SETD3: variants seen among roughly 807,000 people sequenced by gnomAD.
SETD3 encodes the protein SET domain containing 3, actin N3(tau)-histidine methyltransferase, also known as actin-histidine N-methyltransferase.
A neutral mutation model predicts 63.0 loss-of-function variants in SETD3; 19 were observed. The observed-to-expected ratio is 0.30, with a 90% CI of 0.21 to 0.44. The LOEUF (loss-of-function observed/expected upper bound fraction) is 0.44, where lower values mean the gene tolerates loss of function less well. SETD3 is among the 20% of genes least tolerant of loss of function. SETD3 has a pLI of 1.00. For synonymous variants in SETD3, 286 were observed against 264.1 expected, an observed-to-expected ratio of 1.08 and a Z score of -0.80; for missense variants, 587 against 728.5, an observed-to-expected ratio of 0.81 and a Z score of 2.24.
chr14:99,443,018 C>T (rs776313191), intron 6 of SETD3, among the ~76,000 whole-genome samples: 1 of 152,164 alleles, frequency 6.6e-6, no homozygotes, highest in Non-Finnish European at 1.5e-5. Flanking sequence ...GGCCAAGCCA[C>T]CCCTTTGAGC....
chr14:99,436,734 G>C (rs1431788972), intron 6 of SETD3, among the ~76,000 whole-genome samples: 1 of 152,146 alleles, frequency 6.6e-6, no homozygotes, highest in Non-Finnish European at 1.5e-5. Flanking sequence ...GCACTGTGCT[G>C]AAAAGTGTTG....
At chr14:99,481,432 G>A, upstream of SETD3, 1 of 398,712 alleles carries the variant, frequency 2.5e-6, no homozygotes. Flanking sequence ...CAAGATGGCC[G>A]CAGTCGGCAA....
intron 5 of SETD3, among the ~76,000 whole-genome samples, chr14:99,458,774 C>CAAAAAAAAAAAA (rs5810953): frequency 1.1e-5 from 1 of 89,548 alleles, no homozygotes; most frequent in Non-Finnish European, 2.1e-5. Flanking sequence ...CCCATCACTA[C>CAAAAAAAAAAAA]AAAAAAAAAA....
At chr14:99,425,696 T>C (rs1892843343) in intron 6 of SETD3, among the ~76,000 whole-genome samples, 1 of 152,204 alleles carries the variant, frequency 6.6e-6, no homozygotes, top group African/African-American at 2.4e-5. Flanking sequence ...AGCTACCTCT[T>C]TTGCAAGAAA....
chr14:99,440,884 G>A (rs1893771212), intron 6 of SETD3, among the ~76,000 whole-genome samples: 2 of 151,668 alleles, frequency 1.3e-5, no homozygotes, highest in South Asian at 4.1e-4. Flanking sequence ...GTTATCTGAA[G>A]AGATGCTCGA....
intron 5 of SETD3, among the ~76,000 whole-genome samples, chr14:99,458,854 G>C (rs1894913334): frequency 6.6e-6 from 1 of 151,534 alleles, no homozygotes; most frequent in East Asian, 1.9e-4. Context: ...GGGAGATCAA[G>C]GCTGTAGTGA....
intron 6 of SETD3, among the ~76,000 whole-genome samples, chr14:99,454,791 C>T (rs1894664433): frequency 2.0e-5 from 3 of 152,132 alleles, no homozygotes; most frequent in South Asian, 2.1e-4. Flanking sequence ...GATTTCAGCC[C>T]GAGCAGGCTG....
At position 99,480,504 on chromosome 14, in the gene SETD3, G is replaced by C. The variant is rs1005180359; in HGVS notation, c.-9+224C>G. Among the ~76,000 whole-genome samples, 408 of 151,024 alleles carry C rather than the reference G, an allele frequency of 2.7e-3. 2 individuals carry two copies. The highest frequency in any genetic ancestry group is 9.5e-3 in the African/African-American group (395 of 41,382). ...GGCGCCCGGGCAGAGGCCGACCGGCGCCCTCCGACCCCGCCGGGCCCTCCT... is the reference window on the plus strand; with the variant it reads ...GGCGCCCGGGCAGAGGCCGACCGGCCCCCTCCGACCCCGCCGGGCCCTCCT... On this transcript the variant is annotated intron_variant, in intron 1 of 12. Coordinates refer to ENST00000331768, the MANE Select transcript of SETD3 (RefSeq NM_032233.3).
In SETD3 at chr14:99,441,537, C is replaced by T. The variant is rs114772851; in HGVS notation, c.675+16742G>A. 6.0e-3 allele frequency among the ~76,000 whole-genome samples: 911 copies of T among 152,352 alleles called. 5 individuals carry two copies. The highest frequency in any genetic ancestry group is 0.02 in the African/African-American group (841 of 41,578). ...AGGCAGCGACACATCTGCAAGAGGACAAAACCGCACGCTAGCACAGATGTC... is the reference window on the plus strand; with the variant it reads ...AGGCAGCGACACATCTGCAAGAGGATAAAACCGCACGCTAGCACAGATGTC... On this transcript the variant is annotated intron_variant, in intron 6 of 12. Coordinates refer to ENST00000331768, the MANE Select transcript of SETD3 (RefSeq NM_032233.3).
intron 6 of SETD3, 149 bp downstream of exon 6, chr14:99,458,130 A>G: frequency 1.0e-6 from 1 of 960,956 alleles, no homozygotes; most frequent in Non-Finnish European, 1.5e-6. Context: ...CTGTAAAAAC[A>G]AACGATGAAA....
intron 6 of SETD3, among the ~76,000 whole-genome samples, chr14:99,455,745 C>G (rs1894720771): frequency 6.6e-6 from 1 of 152,088 alleles, no homozygotes; most frequent in Non-Finnish European, 1.5e-5. Context: ...TTTCTCAGCA[C>G]TTCTGACATT....
intron 6 of SETD3, among the ~76,000 whole-genome samples, chr14:99,441,070 A>G (rs1446275117): frequency 6.6e-6 from 1 of 152,226 alleles, no homozygotes; most frequent in Non-Finnish European, 1.5e-5. Context: ...GACTCCTCTC[A>G]GGTTTAGCAT....
At chr14:99,405,089 A>T in intron 10 of SETD3, 116 bp downstream of exon 10, 2 of 1,404,310 alleles carry the variant, frequency 1.4e-6, no homozygotes, top group South Asian at 1.6e-5. Context: ...CACGGGGATA[A>T]ACGGATTAAG....
At chr14:99,481,468 C>G, upstream of SETD3, 1 of 398,708 alleles carries the variant, frequency 2.5e-6, no homozygotes, top group Non-Finnish European at 4.4e-6. Flanking sequence ...AGGGGCTTGC[C>G]TGAAGCGAGG....
At chr14:99,420,976 G>A in intron 6 of SETD3, among the ~76,000 whole-genome samples, 17 of 47,490 alleles carry the variant, frequency 3.6e-4, no homozygotes, top group Middle Eastern at 0.011. Context: ...GGGGGGGGGG[G>A]TGGGAGGTGC....
At chr14:99,416,248 TTTTTTC>T (rs1892285113) in intron 6 of SETD3, among the ~76,000 whole-genome samples, 7 of 152,170 alleles carry the variant, frequency 4.6e-5, no homozygotes, top group Admixed American at 6.5e-5. Context: ...AAAAAAAACC[TTTTTTC>T]CCTGTTGAAG....
intron 2 of SETD3, among the ~76,000 whole-genome samples, chr14:99,463,806 A>G (rs192564155): frequency 6.6e-5 from 10 of 152,148 alleles, no homozygotes; most frequent in Non-Finnish European, 1.0e-4. Flanking sequence ...CACTTAACGT[A>G]CCCAAGAGAG....
At chr14:99,477,768 A>C (rs1324512641) in intron 1 of SETD3, among the ~76,000 whole-genome samples, 1 of 150,940 alleles carries the variant, frequency 6.6e-6, no homozygotes, top group Non-Finnish European at 1.5e-5. Flanking sequence ...AAAAAAGCCA[A>C]GTCTCAACTT....
chr14:99,423,065 CCAAT>C (rs1204364161), intron 6 of SETD3, among the ~76,000 whole-genome samples: 1 of 152,146 alleles, frequency 6.6e-6, no homozygotes, highest in Non-Finnish European at 1.5e-5. Context: ...TCAAAAGGTA[CCAAT>C]CAAAGAGAAA....
Sources: allele counts gnomAD v4.1 joint callset (sites outside exome capture counted in the v4.1 genomes callset), GRCh38; gene constraint gnomAD v4.1.1; transcripts MANE v1.5; gene names NCBI Gene and HGNC (gene_info 2026-07-23, HGNC 2026-07-21).